Variants in TMEM87A observed in about 807,000 individuals in gnomAD.
TMEM87A encodes Golgi-pH regulating cation channel.
Under a neutral mutation model 90.0 loss-of-function variants are expected in TMEM87A, and 50 were observed. The ratio of observed to expected loss-of-function variants is 0.56; its 90% CI spans 0.44 to 0.70. The LOEUF (loss-of-function observed/expected upper bound fraction) is 0.70. Ranked by LOEUF, TMEM87A falls within the 30% of genes least tolerant of loss-of-function variation. TMEM87A has a pLI of 0.00. For missense variants in TMEM87A, 577 were observed against 660.5 expected, an observed-to-expected ratio of 0.87 and a Z score of 1.39; for synonymous variants, 226 against 226.7, an observed-to-expected ratio of 1.00 and a Z score of 0.03.
chr15:42,251,427 G>T (rs1197416645), intron 6 of TMEM87A, among the ~76,000 whole-genome samples: 2 of 152,156 alleles, frequency 1.3e-5, no homozygotes, highest in Non-Finnish European at 2.9e-5. Flanking sequence ...TGGGGTTTTG[G>T]TGTGGATGTC....
chr15:42,247,655 T>C (rs536060321), intron 6 of TMEM87A, among the ~76,000 whole-genome samples: 2 of 152,350 alleles, frequency 1.3e-5, no homozygotes, highest in Non-Finnish European at 2.9e-5. Context: ...TATGTCTGTT[T>C]TGGTACCAGT....
At chr15:42,231,121 GA>G in intron 12 of TMEM87A, 70 bp downstream of exon 12, 9 of 1,380,308 alleles carry the variant, frequency 6.5e-6, no homozygotes, top group Non-Finnish European at 8.9e-6. Context: ...ACTCTTTGCA[GA>G]AAGATCAATG....
At chr15:42,266,999 G>C (rs532756210) in intron 3 of TMEM87A, among the ~76,000 whole-genome samples, 4 of 152,320 alleles carry the variant, frequency 2.6e-5, no homozygotes, top group Admixed American at 6.5e-5. Context: ...CCTCAAGGAA[G>C]ACAACTGACA....
At chr15:42,223,639 A>G (rs1248992824) in intron 15 of TMEM87A, among the ~76,000 whole-genome samples, 2 of 152,184 alleles carry the variant, frequency 1.3e-5, no homozygotes, top group African/African-American at 4.8e-5. Flanking sequence ...ACCCAGTAAG[A>G]AGGCCCTCAC....
At chr15:42,252,271 C>T (rs1566936543) in intron 6 of TMEM87A, among the ~76,000 whole-genome samples, 1 of 152,160 alleles carries the variant, frequency 6.6e-6, no homozygotes, top group Non-Finnish European at 1.5e-5. Flanking sequence ...CCAACCATTC[C>T]CAGTGAGATG....
At chr15:42,228,878 T>C in intron 12 of TMEM87A, 58 bp from the exon 13 acceptor site, 1 of 1,318,604 alleles carries the variant, frequency 7.6e-7, no homozygotes, top group African/African-American at 1.5e-5. Flanking sequence ...AGCCAATTAG[T>C]TTTCAGGTTT....
chr15:42,264,991 T>C (rs981140836), intron 3 of TMEM87A, among the ~76,000 whole-genome samples: 7 of 152,166 alleles, frequency 4.6e-5, no homozygotes, highest in Non-Finnish European at 1.0e-4. Flanking sequence ...CTAAGGTTAA[T>C]GGCCTCCAGC....
chr15:42,230,230 C>T (rs779317039), intron 12 of TMEM87A, among the ~76,000 whole-genome samples: 13 of 152,186 alleles, frequency 8.5e-5, no homozygotes, highest in Non-Finnish European at 1.6e-4. Context: ...TCTTACTGTA[C>T]AATCCATTCC....
intron 13 of TMEM87A, 79 bp from the exon 14 acceptor site, chr15:42,227,848 G>T: frequency 7.5e-7 from 1 of 1,326,194 alleles, no homozygotes; most frequent in South Asian, 1.2e-5. Context: ...TTCCGGTTAA[G>T]TGGAATCCCA....
rs746524284 is a variant in TMEM87A, at chr15:42,268,010, C to T, written c.228G>A (p.Leu76=). The change falls in exon 3 of 20, where the codon CTG becomes CTA. Residue 76 remains leucine, a synonymous_variant. Coordinates refer to ENST00000389834, the MANE Select transcript of TMEM87A (RefSeq NM_015497.5). The part of the protein sequence containing the change: ...FLKFDGEPCD[L]SLNITWYLKS... Reference sequence around the variant, plus strand: ...TCAGATACCAGGTTATATTCAAAGACAGGTCACAAGGTTCTCCATCAACTA... The same window carrying T: ...TCAGATACCAGGTTATATTCAAAGATAGGTCACAAGGTTCTCCATCAACTA... The T allele has an allele frequency of 1.1e-5, 17 of 1,613,082 alleles. No homozygotes were observed. The highest frequency in any genetic ancestry group is 3.3e-4 in the Middle Eastern group (2 of 6,078).
chr15:42,239,387 A>G (rs2050831536), intron 8 of TMEM87A, among the ~76,000 whole-genome samples: 1 of 152,102 alleles, frequency 6.6e-6, no homozygotes, highest in African/African-American at 2.4e-5. Context: ...AGTTGTAGTA[A>G]AAAGTGCCCC....
chr15:42,271,878 GAAAAT>G (rs1212263872), intron 2 of TMEM87A, among the ~76,000 whole-genome samples, 180 bp downstream of exon 2: 1 of 151,516 alleles, frequency 6.6e-6, no homozygotes, highest in East Asian at 1.9e-4. Context: ...AACAAGAGAA[GAAAAT>G]AAAGTTCACA....
At chr15:42,253,607 C>T (rs145403917) in intron 6 of TMEM87A, among the ~76,000 whole-genome samples, 158 of 152,326 alleles carry the variant, frequency 1.0e-3, no homozygotes, top group African/African-American at 3.6e-3. Context: ...GTTCCCCTGG[C>T]ACCAGCAACC....
chr15:42,250,627 C>T (rs146575957), intron 6 of TMEM87A, among the ~76,000 whole-genome samples: 3 of 152,248 alleles, frequency 2.0e-5, no homozygotes, highest in African/African-American at 7.2e-5. Context: ...GATGGCCTTC[C>T]CTTTGTGGGT....
chr15:42,224,168 A>C (rs959281710), intron 15 of TMEM87A, among the ~76,000 whole-genome samples: 1 of 152,206 alleles, frequency 6.6e-6, no homozygotes, highest in Non-Finnish European at 1.5e-5. Context: ...GGGCCATGCC[A>C]TATCAGCTCT....
At chr15:42,262,873 A>C (rs913383641) in intron 4 of TMEM87A, among the ~76,000 whole-genome samples, 2 of 152,226 alleles carry the variant, frequency 1.3e-5, no homozygotes, top group African/African-American at 4.8e-5. Context: ...AACACATATA[A>C]AATTTTTCTA....
intron 2 of TMEM87A, among the ~76,000 whole-genome samples, chr15:42,268,484 A>G (rs1013182816): frequency 1.3e-5 from 2 of 152,046 alleles, no homozygotes; most frequent in African/African-American, 4.8e-5. Flanking sequence ...CCTAGGCAAC[A>G]TAGTGAGAAC....
intron 2 of TMEM87A, chr15:42,271,602 C>T (rs776014625): frequency 6.6e-6 from 1 of 152,370 alleles, no homozygotes; most frequent in Non-Finnish European, 1.5e-5. Context: ...ACATGTTATA[C>T]AGGTTTATAG....
Position 42,211,753 on chromosome 15 carries a change from G to GT in TMEM87A, c.1627-5_1627-4insA. On this transcript the variant is annotated splice_polypyrimidine_tract_variant and splice_region_variant and intron_variant, in intron 19 of 19. Coordinates refer to ENST00000389834, the MANE Select transcript of TMEM87A (RefSeq NM_015497.5). ...CAAAGTGTGTGATCATTCGTTCCTA[G>GT]GGAAAAAAAAAAAGGTTGAAGTATA... 1 of 1,595,758 alleles carries GT rather than the reference G, an allele frequency of 6.3e-7. No individual in the cohort carries two copies. The highest frequency in any genetic ancestry group is 8.5e-7 in the Non-Finnish European group (1 of 1,174,398).
Sources: allele counts gnomAD v4.1 joint callset (sites outside exome capture counted in the v4.1 genomes callset), GRCh38; gene constraint gnomAD v4.1.1; transcripts MANE v1.5; gene names NCBI Gene and HGNC (gene_info 2026-07-23, HGNC 2026-07-21).